AP4M1: variants seen among roughly 807,000 people sequenced by gnomAD.
AP4M1 encodes the protein AP-4 complex subunit mu-1.
A neutral mutation model predicts 62.4 loss-of-function variants in AP4M1; 58 were observed. The observed-to-expected ratio is 0.93, with a 90% confidence interval of 0.75 to 1.16. The LOEUF is 1.16. Ranked by LOEUF, AP4M1 falls within the 50% of genes most tolerant of loss-of-function variation. AP4M1 has a pLI of 0.00. For synonymous variants in AP4M1, 290 were observed against 239.7 expected (o/e 1.21, Z -1.94); for missense variants, 626 against 585.4 (o/e 1.07, Z -0.72).
At chr7:100,105,826 C>T (rs1796424102) in intron 11 of AP4M1, 133 bp from the exon 12 acceptor site, 1 of 1,118,626 alleles carries the variant, frequency 8.9e-7, no homozygotes, top group Non-Finnish European at 1.4e-6. Context: ...TGGAGTTGGG[C>T]TGGGCTTCAG....
intron 7 of AP4M1, 26 bp from the exon 8 acceptor site, chr7:100,104,848 C>G (rs1433867396): frequency 6.2e-7 from 1 of 1,612,650 alleles, no homozygotes; most frequent in African/African-American, 1.3e-5. Flanking sequence ...AAAAAAGACT[C>G]TAACCTTGAC....
At position 100,108,573 on chromosome 7, in the gene AP4M1, G is replaced by A; in HGVS notation, c.*1691G>A. The A allele has an allele frequency of 1.3e-6, 2 of 1,566,666 alleles. No homozygotes were observed. Among genetic ancestry groups the A allele is most frequent in the South Asian group, 1.1e-5 (1 of 87,408 alleles). On this transcript the variant is annotated 3_prime_UTR_variant, in exon 15 of 15. Coordinates refer to ENST00000359593, the MANE Select transcript of AP4M1 (RefSeq NM_004722.4). Reference sequence around the variant, plus strand: ...ACAGAAAAAAAGCCAGGTAGAGGGAGGGCTGGGGAAAAAAGCCAGGTAGAG... The same window carrying A: ...ACAGAAAAAAAGCCAGGTAGAGGGAAGGCTGGGGAAAAAAGCCAGGTAGAG...
chr7:100,107,172 G>A lies in AP4M1; in HGVS notation c.*290G>A, dbSNP rs952033229. The A allele has an allele frequency of 5.6e-5, 85 of 1,508,420 alleles. No homozygotes were observed. The highest frequency in any genetic ancestry group is 7.0e-5 in the African/African-American group (5 of 71,640). 93.4% of individuals were successfully genotyped at this position (1,508,420 alleles called of 1,614,324 possible). A position where few individuals can be genotyped will look rare whatever the true frequency, so the allele number is the denominator to read the frequency against. Reference sequence around the variant, plus strand: ...AATCTACAACTTCCTTCCGCTTAGCGAGCATGCATGTGTGTACGTGCACGT... The same window carrying A: ...AATCTACAACTTCCTTCCGCTTAGCAAGCATGCATGTGTGTACGTGCACGT... On this transcript the variant is annotated 3_prime_UTR_variant, in exon 15 of 15. Transcript: ENST00000359593.
upstream of AP4M1, chr7:100,101,238 G>A: frequency 6.2e-7 from 1 of 1,612,628 alleles, no homozygotes; most frequent in Non-Finnish European, 8.5e-7. Flanking sequence ...CGCGCAGGAC[G>A]CCCTCCCGGG....
chr7:100,104,071 C>G, intron 6 of AP4M1, 21 bp from the exon 7 acceptor site: 1 of 1,612,822 alleles, frequency 6.2e-7, no homozygotes, highest in Non-Finnish European at 8.5e-7. Flanking sequence ...TCCAACCACC[C>G]AAATTCTCTC....
At chr7:100,100,922 A>C, upstream of AP4M1, 2 of 1,041,068 alleles carry the variant, frequency 1.9e-6, no homozygotes, top group Non-Finnish European at 1.2e-6. Context: ...GCGCGAAGGA[A>C]AGCGGGCACG....
At chr7:100,104,040 C>A in intron 6 of AP4M1, 52 bp from the exon 7 acceptor site, 1 of 1,516,394 alleles carries the variant, frequency 6.6e-7, no homozygotes, top group South Asian at 1.1e-5. Flanking sequence ...CTGTCCATTT[C>A]AGAACATAGG....
intron 6 of AP4M1, among the ~76,000 whole-genome samples, 181 bp downstream of exon 6, chr7:100,103,873 C>G (rs1270056928): frequency 7.5e-6 from 1 of 132,934 alleles, no homozygotes; most frequent in African/African-American, 2.8e-5. Flanking sequence ...GAAAACCTGT[C>G]TCTACTAAAA....
In AP4M1 at chr7:100,102,210, G is replaced by A. The variant is rs192509885; in HGVS notation, c.147+242G>A. ...AGCCTGGCCAACATGGTGAAACTCC[G>A]CCTCTACTAAAAATACAAAAAAAAA... On this transcript the variant is annotated intron_variant, in intron 2 of 14. Transcript: ENST00000359593. 4,345 of 621,412 alleles carry A rather than the reference G, an allele frequency of 7.0e-3. 45 individuals carry two copies. The highest frequency in any genetic ancestry group is 6.3e-3 in the Non-Finnish European group (2,204 of 350,066). The allele number at this position is 621,412 out of a possible 1,614,324, so 38.5% of individuals were successfully genotyped here.
intron 12 of AP4M1, 71 bp downstream of exon 12, chr7:100,106,074 T>G: frequency 6.3e-7 from 1 of 1,587,844 alleles, no homozygotes; most frequent in South Asian, 1.1e-5. Context: ...ACCTGCTGCT[T>G]CTCCCTTCAG....
intron 6 of AP4M1, 104 bp downstream of exon 6, chr7:100,103,796 C>CTTTTT: frequency 8.0e-7 from 1 of 1,246,194 alleles, no homozygotes; most frequent in Non-Finnish European, 1.1e-6. Flanking sequence ...AGTCCCAGCA[C>CTTTTT]TTTGGGAGGC....
In AP4M1 at chr7:100,107,231, C is replaced by T; in HGVS notation, c.*349C>T. ...GTCTGCATGTGTGGGAATCCGGGGG[C>T]TGGCAGGTGGAGCATCACGGAGCAG... On this transcript the variant is annotated 3_prime_UTR_variant, in exon 15 of 15. Coordinates refer to ENST00000359593, the MANE Select transcript of AP4M1 (RefSeq NM_004722.4). 6.6e-7 allele frequency: 1 copy of T among 1,520,126 alleles called. No individual in the cohort carries two copies. The highest frequency in any genetic ancestry group is 8.8e-7 in the Non-Finnish European group (1 of 1,137,090). 94.2% of individuals were successfully genotyped at this position (1,520,126 alleles called of 1,614,324 possible).
chr7:100,101,450 G>A, upstream of AP4M1: 1 of 1,017,896 alleles, frequency 9.8e-7, no homozygotes, highest in Non-Finnish European at 1.5e-6. Context: ...CGGGCCAATC[G>A]GACAAGGCGG....
rs1409124851 is a variant in AP4M1, at chr7:100,103,404, A to G, written c.352-5A>G. On this transcript the variant is annotated splice_region_variant and splice_polypyrimidine_tract_variant and intron_variant, in intron 4 of 14. Coordinates refer to ENST00000359593, the MANE Select transcript of AP4M1 (RefSeq NM_004722.4). Reference sequence around the variant, plus strand: ...TCACTCAGACTGTCCTTCCTTTACCACTAGGACTATGGCTATGTACAGACC... The same window carrying G: ...TCACTCAGACTGTCCTTCCTTTACCGCTAGGACTATGGCTATGTACAGACC... 4 of 1,611,956 alleles carry G rather than the reference A, an allele frequency of 2.5e-6. No individual in the cohort carries two copies. The highest frequency in any genetic ancestry group is 3.4e-6 in the Non-Finnish European group (4 of 1,178,510).
chr7:100,106,858 C>T lies in AP4M1; in HGVS notation c.1338C>T (p.Ser446=), dbSNP rs150066408. 8.7e-6 allele frequency: 14 copies of T among 1,613,454 alleles called. No individual in the cohort carries two copies. The highest frequency in any genetic ancestry group is 1.7e-5 in the Admixed American group (1 of 60,008). ...PHKWVRHLSH[S]DAYVIRI is the part of the protein sequence containing the mutation. ...AGTGGGTGCGACACCTAAGCCACAG[C>T]GACGCCTATGTCATTCGGATCTGAG... The change falls in exon 15 of 15, where the codon AGC becomes AGT. Residue 446 remains serine (S), a synonymous_variant. Transcript: ENST00000359593.
At position 100,108,645 on chromosome 7, in the gene AP4M1, AAAG is replaced by A. The variant is rs542521008; in HGVS notation, c.*1764_*1766del. 3.4e-5 allele frequency: 45 copies of A among 1,308,624 alleles called. No homozygotes were observed. The Admixed American group carries it at 7.9e-4, about 23-fold the overall frequency. The allele number at this position is 1,308,624 out of a possible 1,614,324, so 81.1% of individuals were successfully genotyped here. ...AGAAGAACCTTGGGGATGGGGTAAA[AAAG>A]GACATTCCTTATCATCTCAGTGCCC... On this transcript the variant is annotated 3_prime_UTR_variant, in exon 15 of 15. Coordinates refer to ENST00000359593, the MANE Select transcript of AP4M1 (RefSeq NM_004722.4).
intron 6 of AP4M1, among the ~76,000 whole-genome samples, 156 bp from the exon 7 acceptor site, chr7:100,103,936 C>A (rs527463978): frequency 6.6e-6 from 1 of 151,956 alleles, no homozygotes; most frequent in Non-Finnish European, 1.5e-5. Flanking sequence ...CTCCCACCCC[C>A]CCAGATGTGG....
Position 100,108,435 on chromosome 7 carries a change from C to G in AP4M1, c.*1553C>G. The stretch of plus-strand genomic sequence containing the variant: ...AGAGCAGCCTGGGCCCGAGCCTTGA[C>G]CACCTGGGAGCAGAGGAGGGGCCCA... On this transcript the variant is annotated 3_prime_UTR_variant, in exon 15 of 15. Transcript: ENST00000359593. 1 of 1,613,950 alleles carries G rather than the reference C, an allele frequency of 6.2e-7. No individual in the cohort carries two copies. The highest frequency in any genetic ancestry group is 8.5e-7 in the Non-Finnish European group (1 of 1,179,858).
rs373104578 is a variant in AP4M1 at position 100,108,537 on chromosome 7, G to A, written c.*1655G>A. 15 of 1,602,402 alleles carry A rather than the reference G, an allele frequency of 9.4e-6. No individual in the cohort carries two copies. Among genetic ancestry groups the A allele is most frequent in the Non-Finnish European group, 1.3e-5 (15 of 1,171,782 alleles). ...AGCTTTGCCAGAACAGGAGCACAGT[G>A]TTTCTGCAGAACAGAAAAAAAGCCA... On this transcript the variant is annotated 3_prime_UTR_variant, in exon 15 of 15. Coordinates refer to ENST00000359593, the MANE Select transcript of AP4M1 (RefSeq NM_004722.4).
Sources: gnomAD v4.1 joint callset for allele counts (sites outside exome capture counted in the v4.1 genomes callset) on GRCh38, gnomAD v4.1.1 for gene constraint, MANE v1.5 for transcripts, NCBI Gene and HGNC (gene_info 2026-07-23, HGNC 2026-07-21) for gene names.